The following ACTR3C variants were observed in gnomAD, a reference collection of about 807,000 sequenced individuals.
ACTR3C encodes the protein actin related protein 3C.
A neutral mutation model predicts 26.3 loss-of-function variants in ACTR3C; 18 were observed. The observed-to-expected ratio is 0.68, with a 90% CI of 0.47 to 1.01. ACTR3C has a LOEUF of 1.01. Ranked by LOEUF, ACTR3C falls within the 50% of genes least tolerant of loss-of-function variation. The pLI, the probability that ACTR3C is intolerant of heterozygous loss-of-function variation, is 0.00. For missense variants in ACTR3C, 184 were observed against 250.7 expected, an observed-to-expected ratio of 0.73 and a Z score of 1.80; for synonymous variants, 55 against 94.5, an observed-to-expected ratio of 0.58 and a Z score of 2.42.
At chr7:149,963,946 C>T in the ACTR3C span, among the ~76,000 whole-genome samples, 11 of 151,968 alleles carry the variant, frequency 7.2e-5, no homozygotes, top group Non-Finnish European at 1.6e-4. Context: ...CAACGGACAA[C>T]GATATAAACA....
At chr7:150,014,237 C>T in the ACTR3C span, among the ~76,000 whole-genome samples, 26 of 152,200 alleles carry the variant, frequency 1.7e-4, no homozygotes, top group African/African-American at 5.8e-4. Flanking sequence ...GGGCGGATCA[C>T]GAGGTCAGGA....
At chr7:150,318,939 C>G (rs1797207877) in intron 1 of ACTR3C, among the ~76,000 whole-genome samples, 1 of 152,162 alleles carries the variant, frequency 6.6e-6, no homozygotes, top group South Asian at 2.1e-4. Flanking sequence ...CTTCCAGACC[C>G]ACATAATGGG....
At chr7:150,204,874 T>G in the ACTR3C span, among the ~76,000 whole-genome samples, 26 of 148,704 alleles carry the variant, frequency 1.7e-4, no homozygotes, top group South Asian at 6.5e-4. Flanking sequence ...GCGAGGAACA[T>G]GCCAAGGAGG....
At chr7:149,917,531 A>G in the ACTR3C span, among the ~76,000 whole-genome samples, 1 of 151,810 alleles carries the variant, frequency 6.6e-6, no homozygotes, top group African/African-American at 2.4e-5. Flanking sequence ...TATAATTGAA[A>G]CTCCTCTTCC....
the ACTR3C span, among the ~76,000 whole-genome samples, chr7:150,127,309 A>G: frequency 2.7e-5 from 4 of 146,830 alleles, no homozygotes; most frequent in African/African-American, 9.8e-5. Context: ...TTAGCTTACC[A>G]TAATAGGAAA....
chr7:150,309,108 G>A (rs1584987553), intron 1 of ACTR3C, among the ~76,000 whole-genome samples: 3 of 152,222 alleles, frequency 2.0e-5, no homozygotes, highest in Non-Finnish European at 2.9e-5. Context: ...GCAGTTCCCC[G>A]AGATGATCCC....
downstream of ACTR3C, among the ~76,000 whole-genome samples, chr7:150,243,229 A>C: frequency 6.6e-6 from 1 of 152,104 alleles, no homozygotes; most frequent in East Asian, 1.9e-4. Context: ...TTCTAAGTTT[A>C]CAGGGTTTGT....
the ACTR3C span, among the ~76,000 whole-genome samples, chr7:149,883,377 T>C: frequency 9.5e-4 from 144 of 152,132 alleles, 1 homozygote; most frequent in African/African-American, 3.3e-3. Flanking sequence ...TCAGTAAATA[T>C]CAGCCTCTGA....
the ACTR3C span, among the ~76,000 whole-genome samples, chr7:149,991,227 G>C: frequency 2.0e-5 from 3 of 152,136 alleles, no homozygotes; most frequent in Non-Finnish European, 2.9e-5. Flanking sequence ...ACACAGGAAA[G>C]ACCCACCCCC....
intron 5 of ACTR3C, among the ~76,000 whole-genome samples, chr7:150,286,143 T>C (rs909205260): frequency 3.3e-5 from 5 of 152,128 alleles, no homozygotes; most frequent in African/African-American, 1.2e-4. Flanking sequence ...TCTTCCTAAC[T>C]ATTTGTGGTA....
At chr7:150,246,812 G>C (rs1420022943), downstream of ACTR3C, 2 of 151,720 alleles carry the variant, frequency 1.3e-5, no homozygotes, top group Non-Finnish European at 2.9e-5. Flanking sequence ...TATTTTTTGA[G>C]ACTGAGTTTC....
chr7:149,887,787 A>G, the ACTR3C span, among the ~76,000 whole-genome samples: 2 of 83,788 alleles, frequency 2.4e-5, no homozygotes, highest in African/African-American at 4.2e-5. Context: ...GGGAGGGACC[A>G]GGGGAGGTAA....
At chr7:149,901,982 A>ATGTG in the ACTR3C span, among the ~76,000 whole-genome samples, 1 of 148,822 alleles carries the variant, frequency 6.7e-6, no homozygotes, top group Admixed American at 6.7e-5. Context: ...TTGAAAAAAA[A>ATGTG]TGTGTTTGGG....
chr7:149,905,378 A>G, the ACTR3C span, among the ~76,000 whole-genome samples: 1 of 151,156 alleles, frequency 6.6e-6, no homozygotes, highest in African/African-American at 2.4e-5. Context: ...CATGGAAAAC[A>G]AAATTACCTA....
At chr7:150,028,771 G>A in the ACTR3C span, among the ~76,000 whole-genome samples, 1 of 152,268 alleles carries the variant, frequency 6.6e-6, no homozygotes, top group Non-Finnish European at 1.5e-5. Flanking sequence ...AACCACACCT[G>A]TGCTCCTGCC....
the ACTR3C span, among the ~76,000 whole-genome samples, chr7:149,969,377 T>C: frequency 6.6e-5 from 10 of 151,102 alleles, no homozygotes; most frequent in African/African-American, 2.5e-4. Context: ...ACCAGAAAGC[T>C]GGAGGCAACA....
chr7:149,897,739 G>C, the ACTR3C span, among the ~76,000 whole-genome samples: 1 of 152,174 alleles, frequency 6.6e-6, no homozygotes, highest in African/African-American at 2.4e-5. Context: ...TTAGCTGGGC[G>C]TGGTGGCCCA....
At chr7:150,159,867 C>T in the ACTR3C span, among the ~76,000 whole-genome samples, 2 of 152,098 alleles carry the variant, frequency 1.3e-5, no homozygotes, top group African/African-American at 2.4e-5. Flanking sequence ...GGCTGTGGCG[C>T]GATCTCGGCT....
At chr7:150,039,740 G>A in the ACTR3C span, among the ~76,000 whole-genome samples, 3 of 143,458 alleles carry the variant, frequency 2.1e-5, no homozygotes, top group South Asian at 2.3e-4. Flanking sequence ...CCTCGCGGGG[G>A]GTGCCTCCCC....
Sources: gnomAD v4.1 joint callset for allele counts (sites outside exome capture counted in the v4.1 genomes callset) on GRCh38, gnomAD v4.1.1 for gene constraint, MANE v1.5 for transcripts, NCBI Gene and HGNC (gene_info 2026-07-23, HGNC 2026-07-21) for gene names.